HIPK2: variants seen among roughly 807,000 people sequenced by gnomAD.
HIPK2 encodes homeodomain-interacting protein kinase 2.
HIPK2 carries 27 observed loss-of-function variants against 113.7 expected under a neutral mutation model. The ratio of observed to expected loss-of-function variants is 0.24; its 90% CI spans 0.17 to 0.33. The LOEUF (loss-of-function observed/expected upper bound fraction) is 0.33, where lower values mean the gene tolerates loss of function less well. HIPK2 is among the 10% of genes least tolerant of loss of function. HIPK2 has a pLI of 1.00. For missense variants in HIPK2, 1,257 were observed against 1,588.0 expected, an observed-to-expected ratio of 0.79 and a Z score of 3.54; for synonymous variants, 631 against 642.2, an observed-to-expected ratio of 0.98 and a Z score of 0.26.
At chr7:139,691,274 C>G (rs1373914355) in intron 2 of HIPK2, among the ~76,000 whole-genome samples, 1 of 152,200 alleles carries the variant, frequency 6.6e-6, no homozygotes, top group African/African-American at 2.4e-5. Context: ...GGCACCCTTG[C>G]TGATAAAACC....
chr7:139,664,210 T>C lies in HIPK2; in HGVS notation c.1104-32485A>G, dbSNP rs897593624. Among the ~76,000 whole-genome samples the C allele has an allele frequency of 3.3e-5, 5 of 152,248 alleles. 1 individual carries two copies. The highest frequency in any genetic ancestry group is 1.2e-4 in the African/African-American group (5 of 41,466). On this transcript the variant is annotated intron_variant, in intron 2 of 14. Transcript: ENST00000406875. ...TTTGCATTCATCTACTTATTTTTCC[T>C]GTCATCCGCACCCTTCTTTCTCAAC...
intron 1 of HIPK2, among the ~76,000 whole-genome samples, chr7:139,727,935 ATTTT>A (rs10524758): frequency 8.6e-6 from 1 of 116,686 alleles, no homozygotes; most frequent in Admixed American, 9.1e-5. Flanking sequence ...GCATTGGCTA[ATTTT>A]TTTTTTTTTT....
chr7:139,725,364 A>T (rs2116999628), intron 1 of HIPK2, among the ~76,000 whole-genome samples: 1 of 152,358 alleles, frequency 6.6e-6, no homozygotes, highest in African/African-American at 2.4e-5. Flanking sequence ...AACAGAGTGT[A>T]CTTCAGTCCA....
At chr7:139,699,077 AC>A (rs1329222690) in intron 2 of HIPK2, among the ~76,000 whole-genome samples, 1 of 152,012 alleles carries the variant, frequency 6.6e-6, no homozygotes, top group Admixed American at 6.5e-5. Flanking sequence ...GATCCGAACA[AC>A]CTGCTTGACT....
intron 2 of HIPK2, among the ~76,000 whole-genome samples, chr7:139,676,569 T>C (rs1025355725): frequency 3.9e-5 from 6 of 152,206 alleles, no homozygotes; most frequent in Admixed American, 2.0e-4. Context: ...CTGTGAGCAC[T>C]AAGATCTAGT....
In HIPK2 at chr7:139,565,037, G is replaced by A. The variant is rs1228201206; in HGVS notation, c.*7890C>T. 6.6e-6 allele frequency: 1 copy of A among 152,122 alleles called. No individual in the cohort carries two copies. Among genetic ancestry groups the A allele is most frequent in the Non-Finnish European group, 1.5e-5 (1 of 68,020 alleles). 9.4% of individuals were successfully genotyped at this position (152,122 alleles called of 1,614,324 possible). On this transcript the variant is annotated 3_prime_UTR_variant, in exon 15 of 15. Coordinates refer to ENST00000406875, the MANE Select transcript of HIPK2 (RefSeq NM_022740.5). ...AAGCAACGATGACCGGGGGTATGAA[G>A]TAATCATTATTTTCAGCCCACAGAG...
rs545074117 is a variant in HIPK2 at position 139,736,468 on chromosome 7, C to A, written c.20-19453G>T. ...GTGTCAGGGTGGCCAAGGTGCTTCC[C>A]TGAGGGAACTCCCACAGCAGGACGC... On this transcript the variant is annotated intron_variant, in intron 1 of 14. Coordinates refer to ENST00000406875, the MANE Select transcript of HIPK2 (RefSeq NM_022740.5). Among the ~76,000 whole-genome samples the A allele has an allele frequency of 7.9e-5, 12 of 152,314 alleles. No individual in the cohort carries two copies. The South Asian group carries it at 2.5e-3, about 32-fold the overall frequency.
chr7:139,652,389 T>C (rs1411645226), intron 2 of HIPK2, among the ~76,000 whole-genome samples: 1 of 152,146 alleles, frequency 6.6e-6, no homozygotes, highest in African/African-American at 2.4e-5. Flanking sequence ...TATTGAGTGA[T>C]TATGTAGTAA....
At chr7:139,600,633 T>G (rs1176361826) in intron 10 of HIPK2, 37 bp from the exon 11 acceptor site, 5 of 1,598,330 alleles carry the variant, frequency 3.1e-6, no homozygotes, top group South Asian at 1.1e-5. Context: ...GCCTTAGAGG[T>G]GTTCTAAAAG....
At chr7:139,624,436 T>G (rs968774691) in intron 6 of HIPK2, among the ~76,000 whole-genome samples, 1 of 152,204 alleles carries the variant, frequency 6.6e-6, no homozygotes, top group African/African-American at 2.4e-5. Flanking sequence ...CAGGTCCCTT[T>G]TTAAATACCC....
rs149224316 is a variant in HIPK2, at chr7:139,773,203, C to T, written c.19+4402G>A. On this transcript the variant is annotated intron_variant, in intron 1 of 14. Transcript: ENST00000406875. ...GTTCATGTGGGTGAAGGGCGCAGGG[C>T]GGTGCACAGCACAAAGTCAATATGG... Among the ~76,000 whole-genome samples, 193 of 152,292 alleles carry T rather than the reference C, an allele frequency of 1.3e-3. 2 individuals carry two copies. The East Asian group carries it at 0.023, about 18-fold the overall frequency.
At chr7:139,688,857 A>G (rs138913987) in intron 2 of HIPK2, among the ~76,000 whole-genome samples, 38 of 152,310 alleles carry the variant, frequency 2.5e-4, no homozygotes, top group African/African-American at 7.7e-4. Context: ...ACCAGTATAG[A>G]ACATGATGAA....
intron 5 of HIPK2, among the ~76,000 whole-genome samples, chr7:139,627,902 G>A (rs576750867): frequency 3.9e-5 from 6 of 152,328 alleles, no homozygotes; most frequent in African/African-American, 1.4e-4. Flanking sequence ...CCCTCTAAAA[G>A]ATATATTAAA....
rs115145834 is a variant in HIPK2 at position 139,632,331 on chromosome 7, T to C, written c.1104-606A>G. Among the ~76,000 whole-genome samples, 726 of 152,340 alleles carry C rather than the reference T, an allele frequency of 4.8e-3. 6 individuals are homozygous for C. Among genetic ancestry groups the C allele is most frequent in the African/African-American group, 0.017 (714 of 41,572 alleles). On this transcript the variant is annotated intron_variant, in intron 2 of 14. Coordinates refer to ENST00000406875, the MANE Select transcript of HIPK2 (RefSeq NM_022740.5). ...ACACCTAACTCGAGGTATTCTATCT[T>C]CAGGAAGATGTAAAACAAGCTGTCC...
At chr7:139,772,860 A>C (rs1796676547) in intron 1 of HIPK2, among the ~76,000 whole-genome samples, 1 of 151,170 alleles carries the variant, frequency 6.6e-6, no homozygotes, top group Non-Finnish European at 1.5e-5. Context: ...TGCTGGGATT[A>C]CAGGTGTGAG....
intron 2 of HIPK2, among the ~76,000 whole-genome samples, chr7:139,641,455 G>T (rs547591760): frequency 6.6e-6 from 1 of 152,052 alleles, no homozygotes; most frequent in East Asian, 1.9e-4. Context: ...GTAACCTAGT[G>T]TTCCTTTTAT....
At chr7:139,736,652 C>T (rs1305542489) in intron 1 of HIPK2, among the ~76,000 whole-genome samples, 1 of 152,134 alleles carries the variant, frequency 6.6e-6, no homozygotes, top group Admixed American at 6.5e-5. Flanking sequence ...TGGGAGGATG[C>T]TATCGAATAA....
intron 1 of HIPK2, among the ~76,000 whole-genome samples, chr7:139,731,133 G>A (rs1014476240): frequency 6.6e-6 from 1 of 152,210 alleles, no homozygotes; most frequent in Non-Finnish European, 1.5e-5. Context: ...TGCAAAATAA[G>A]TCAGGATGTA....
chr7:139,562,103 TA>T lies in HIPK2; in HGVS notation c.*10823del, dbSNP rs1371293173. On this transcript the variant is annotated 3_prime_UTR_variant, in exon 15 of 15. Coordinates refer to ENST00000406875, the MANE Select transcript of HIPK2 (RefSeq NM_022740.5). ...GGTCTACAACACATTGGTTTGTCTTTAAAAAAACAAAAGTAGACATTTATAA... is the reference window on the plus strand; with the variant it reads ...GGTCTACAACACATTGGTTTGTCTTTAAAAAACAAAAGTAGACATTTATAA... The T allele has an allele frequency of 6.6e-6, 1 of 152,122 alleles. No individual in the cohort carries two copies. Among genetic ancestry groups the T allele is most frequent in the Non-Finnish European group, 1.5e-5 (1 of 68,032 alleles). The allele number at this position is 152,122 out of a possible 1,614,324, so 9.4% of individuals were successfully genotyped here. A position where few individuals can be genotyped will look rare whatever the true frequency, so the allele number is the denominator to read the frequency against.
Sources: gnomAD v4.1 joint callset for allele counts (sites outside exome capture counted in the v4.1 genomes callset) on GRCh38, gnomAD v4.1.1 for gene constraint, MANE v1.5 for transcripts, NCBI Gene and HGNC (gene_info 2026-07-23, HGNC 2026-07-21) for gene names.